ZNF609: variants seen among roughly 807,000 people sequenced by gnomAD.
The protein encoded by ZNF609 is zinc finger protein 609.
ZNF609 carries 11 observed loss-of-function variants against 109.5 expected under a neutral mutation model. The ratio of observed to expected loss-of-function variants is 0.10; its 90% CI spans 0.06 to 0.17. The LOEUF (loss-of-function observed/expected upper bound fraction) is 0.17. ZNF609 is among the 10% of genes least tolerant of loss of function. The pLI, the probability that ZNF609 is intolerant of heterozygous loss-of-function variation, is 1.00. For missense variants in ZNF609, 1,559 were observed against 1,772.4 expected, an observed-to-expected ratio of 0.88 and a Z score of 2.16; for synonymous variants, 646 against 662.0, an observed-to-expected ratio of 0.98 and a Z score of 0.37.
At chr15:64,573,954 C>T (rs1447687057) in intron 2 of ZNF609, among the ~76,000 whole-genome samples, 1 of 152,030 alleles carries the variant, frequency 6.6e-6, no homozygotes, top group Non-Finnish European at 1.5e-5. Context: ...GCCACTTGAA[C>T]ATTATTCTGT....
intron 3 of ZNF609, among the ~76,000 whole-genome samples, chr15:64,653,302 TGTCTTCTGTTTTACATTA>T (rs1353835437): frequency 2.0e-5 from 3 of 152,226 alleles, no homozygotes; most frequent in Admixed American, 1.3e-4. Flanking sequence ...CTGGTGATAA[TGTCTTCTGTTTTACATTA>T]GAGTTTTGTC....
chr15:64,530,406 T>G (rs1050352099), intron 2 of ZNF609, among the ~76,000 whole-genome samples: 2 of 152,216 alleles, frequency 1.3e-5, no homozygotes, highest in African/African-American at 4.8e-5. Context: ...TGATAACTAC[T>G]TTATAGAGCA....
At chr15:64,514,814 T>C (rs1345561454) in intron 2 of ZNF609, among the ~76,000 whole-genome samples, 1 of 152,158 alleles carries the variant, frequency 6.6e-6, no homozygotes, top group Non-Finnish European at 1.5e-5. Flanking sequence ...AGTTGTTGTA[T>C]TTTTTGTAGA....
At chr15:64,491,314 A>G (rs555311797) in intron 1 of ZNF609, among the ~76,000 whole-genome samples, 1 of 152,332 alleles carries the variant, frequency 6.6e-6, no homozygotes, top group Non-Finnish European at 1.5e-5. Flanking sequence ...TGTAGTAACC[A>G]TACTGAAGCT....
chr15:64,559,271 G>A (rs910249140), intron 2 of ZNF609, among the ~76,000 whole-genome samples: 1 of 145,292 alleles, frequency 6.9e-6, no homozygotes, highest in African/African-American at 2.4e-5. Flanking sequence ...AGAGGTGATA[G>A]TAGTGAGACT....
intron 2 of ZNF609, among the ~76,000 whole-genome samples, chr15:64,603,130 G>A (rs563346985): frequency 5.9e-5 from 9 of 151,866 alleles, no homozygotes; most frequent in East Asian, 3.9e-4. Context: ...TTGCTTTCTC[G>A]CTTTTATTCC....
intron 2 of ZNF609, among the ~76,000 whole-genome samples, chr15:64,608,045 T>C (rs1895642420): frequency 6.6e-6 from 1 of 151,454 alleles, no homozygotes; most frequent in Non-Finnish European, 1.5e-5. Context: ...ATTACAGGCA[T>C]GCGCCAACAT....
chr15:64,639,528 G>T (rs1220369131), intron 3 of ZNF609, among the ~76,000 whole-genome samples: 1 of 152,132 alleles, frequency 6.6e-6, no homozygotes, highest in Admixed American at 6.6e-5. Flanking sequence ...CAGTCACATG[G>T]CTGTCTTCCC....
chr15:64,574,955 C>A (rs1158237663), intron 2 of ZNF609, among the ~76,000 whole-genome samples: 1 of 152,096 alleles, frequency 6.6e-6, no homozygotes, highest in Non-Finnish European at 1.5e-5. Flanking sequence ...TTGGACTCCT[C>A]CTGAAGCACT....
chr15:64,532,278 C>T (rs973219331), intron 2 of ZNF609, among the ~76,000 whole-genome samples: 2 of 152,138 alleles, frequency 1.3e-5, no homozygotes, highest in Non-Finnish European at 2.9e-5. Flanking sequence ...TATTTTTTCT[C>T]GAAGCACTAA....
In ZNF609 at chr15:64,680,639, T is replaced by C. The variant is rs2141020196; in HGVS notation, c.3946-7T>C. 3 of 1,576,458 alleles carry C rather than the reference T, an allele frequency of 1.9e-6. No homozygotes were observed. Among genetic ancestry groups the C allele is most frequent in the East Asian group, 2.2e-5 (1 of 44,594 alleles). On this transcript the variant is annotated splice_polypyrimidine_tract_variant and splice_region_variant and intron_variant, in intron 7 of 9. Transcript: ENST00000326648. Reference sequence around the variant, plus strand: ...TAGTGCTTTTGTGTCTCTGGTTTCCTTTCCAGATAAGTGATAAAACTTCTC... The same window carrying C: ...TAGTGCTTTTGTGTCTCTGGTTTCCCTTCCAGATAAGTGATAAAACTTCTC...
intron 1 of ZNF609, among the ~76,000 whole-genome samples, chr15:64,491,943 C>T (rs937721014): frequency 5.9e-5 from 9 of 151,480 alleles, no homozygotes; most frequent in African/African-American, 2.2e-4. Flanking sequence ...CAGTATATGG[C>T]TTTAGGAGCC....
intron 1 of ZNF609, among the ~76,000 whole-genome samples, chr15:64,466,165 A>G (rs535041689): frequency 5.6e-4 from 84 of 149,590 alleles, no homozygotes; most frequent in African/African-American, 1.5e-3. Context: ...AGCATTTCCT[A>G]TAACTTGGGA....
In ZNF609 at chr15:64,623,112, A is replaced by G. The variant is rs568668075; in HGVS notation, c.973+60A>G. On this transcript the variant is annotated intron_variant, in intron 3 of 9. Transcript: ENST00000326648. ...AACCTGCTTCTGCAGGGGAGCCACC[A>G]GGGACTTATTGTTGTAAATATTACC... is the stretch of plus-strand genomic sequence containing the variant. 9.2e-6 allele frequency: 14 copies of G among 1,527,826 alleles called. No individual in the cohort carries two copies. The East Asian group carries it at 2.9e-4, about 32-fold the overall frequency. 94.6% of individuals were successfully genotyped at this position (1,527,826 alleles called of 1,614,324 possible). A position where few individuals can be genotyped will look rare whatever the true frequency, so the allele number is the denominator to read the frequency against.
Position 64,607,873 on chromosome 15 carries a change from TTCTTTC to T in ZNF609, c.748-14952_748-14947del, listed in dbSNP as rs1567027769. 7.3e-3 allele frequency among the ~76,000 whole-genome samples: 269 copies of T among 37,076 alleles called. 5 individuals are homozygous for T. Among genetic ancestry groups the T allele is most frequent in the African/African-American group, 0.013 (226 of 17,084 alleles). The allele number at this position is 37,076 out of a possible 152,430, so 24.3% of individuals were successfully genotyped here. On this transcript the variant is annotated intron_variant, in intron 2 of 9. Coordinates refer to ENST00000326648, the MANE Select transcript of ZNF609 (RefSeq NM_015042.2). ...TTTCTTTCTTTCTTTCTTTCTTTCTTTCTTTCTTCTTTCTTTTCTTTCTTTTTTTTT... is the reference window on the plus strand; with the variant it reads ...TTTCTTTCTTTCTTTCTTTCTTTCTTTTCTTTCTTTTCTTTCTTTTTTTTT...
intron 2 of ZNF609, among the ~76,000 whole-genome samples, chr15:64,558,235 C>CA (rs759767692): frequency 1.3e-5 from 2 of 152,050 alleles, no homozygotes; most frequent in Non-Finnish European, 1.5e-5. Flanking sequence ...CTCTACCTGT[C>CA]ACCCTTTGAT....
intron 4 of ZNF609, 47 bp downstream of exon 4, chr15:64,670,480 A>T (rs766570437): frequency 6.7e-7 from 1 of 1,484,520 alleles, no homozygotes; most frequent in Non-Finnish European, 9.4e-7. Context: ...AACCACACTA[A>T]TTGGTGATCC....
At chr15:64,663,788 G>A (rs185576475) in intron 3 of ZNF609, among the ~76,000 whole-genome samples, 11 of 152,082 alleles carry the variant, frequency 7.2e-5, no homozygotes, top group Admixed American at 2.0e-4. Flanking sequence ...AAAATGAGGG[G>A]CCTAGAAAAA....
chr15:64,582,725 TTTTTTTTTTTTTTGAGACAGAGTC>T (rs1895128407), intron 2 of ZNF609, among the ~76,000 whole-genome samples: 1 of 128,590 alleles, frequency 7.8e-6, no homozygotes, highest in Non-Finnish European at 1.5e-5. Flanking sequence ...TCTTTTTTCT[TTTTTTTTTTTTTTGAGACAGAGTC>T]TTTTTTTTTT....
Sources: allele counts gnomAD v4.1 joint callset (sites outside exome capture counted in the v4.1 genomes callset), GRCh38; gene constraint gnomAD v4.1.1; transcripts MANE v1.5; gene names NCBI Gene and HGNC (gene_info 2026-07-23, HGNC 2026-07-21).